The following HTT variants were observed in gnomAD, a reference collection of about 807,000 sequenced individuals.
The protein encoded by HTT is huntingtin.
In HTT, 104 loss-of-function variants were observed where a neutral mutation model predicts 362.3. The observed-to-expected ratio is 0.29, with a 90% CI of 0.24 to 0.34. HTT has a LOEUF of 0.34. Among genes scored for constraint, HTT ranks in the 10% least tolerant of loss-of-function variants. The pLI, the probability that HTT is intolerant of heterozygous loss-of-function variation, is 1.00. For missense variants in HTT, 3,301 were observed against 3,928.6 expected (o/e 0.84, Z 4.27); for synonymous variants, 1,577 against 1,548.7 (o/e 1.02, Z -0.43).
chr4:3,074,771 C>G lies in HTT; in HGVS notation c.-55C>G. ...CATTCATTGCCCCGGTGCTGAGCGG[C>G]GCCGCGAGTCGGCCCGAGGCCTCCG... On this transcript the variant is annotated 5_prime_UTR_variant, in exon 1 of 67. Coordinates refer to ENST00000355072, the MANE Select transcript of HTT (RefSeq NM_001388492.1). 6.7e-7 allele frequency: 1 copy of G among 1,494,382 alleles called. No individual in the cohort carries two copies. The highest frequency in any genetic ancestry group is 1.4e-5 in the African/African-American group (1 of 69,336). 92.6% of individuals were successfully genotyped at this position (1,494,382 alleles called of 1,614,324 possible).
intron 2 of HTT, among the ~76,000 whole-genome samples, chr4:3,093,875 T>C (rs1713652589): frequency 6.7e-6 from 1 of 149,700 alleles, no homozygotes; most frequent in Non-Finnish European, 1.5e-5. Flanking sequence ...TTTTTTTTTT[T>C]TTTAAGATAT....
chr4:3,205,568 C>T (rs899083706), intron 42 of HTT, among the ~76,000 whole-genome samples: 1 of 152,138 alleles, frequency 6.6e-6, no homozygotes, highest in African/African-American at 2.4e-5. Context: ...AAAGTTTGAT[C>T]ATCCCAAATC....
intron 1 of HTT, among the ~76,000 whole-genome samples, chr4:3,079,035 G>A (rs1578479575): frequency 6.6e-6 from 1 of 151,982 alleles, no homozygotes; most frequent in Non-Finnish European, 1.5e-5. Context: ...ACAGGCATGA[G>A]CCACTGTGCC....
chr4:3,090,476 T>C (rs1344340649), intron 2 of HTT, among the ~76,000 whole-genome samples: 1 of 152,214 alleles, frequency 6.6e-6, no homozygotes, highest in Non-Finnish European at 1.5e-5. Flanking sequence ...TGTACCTTGA[T>C]AAGGTGGCTA....
In HTT at chr4:3,189,040, A is replaced by G. The variant is rs755233398; in HGVS notation, c.5315A>G (p.Tyr1772Cys). 14 of 1,613,864 alleles carry G rather than the reference A, an allele frequency of 8.7e-6. No individual in the cohort carries two copies. Among genetic ancestry groups the G allele is most frequent in the South Asian group, 2.2e-5 (2 of 91,084 alleles). ...VEMSEQQHTF[Y>C]CQELGTLLMC... is the part of the protein sequence containing the mutation. ...ATGAGTGAGCAGCAACATACTTTCT[A>G]TTGCCAGGAACTAGGCACACTGCTA... Residue 1772 changes from tyrosine to cysteine, a missense_variant, in exon 40 of 67, where the codon TAT (tyrosine) becomes TGT (cysteine). Physicochemically the swap from Tyr to Cys is radical, Grantham distance 194 (BLOSUM62 -2). Coordinates refer to ENST00000355072, the MANE Select transcript of HTT (RefSeq NM_001388492.1).
intron 2 of HTT, among the ~76,000 whole-genome samples, chr4:3,095,255 G>T (rs1362909698): frequency 2.0e-5 from 3 of 152,236 alleles, no homozygotes. Flanking sequence ...CTGAGTGAGC[G>T]AGACTCCGTC....
intron 47 of HTT, among the ~76,000 whole-genome samples, chr4:3,210,472 A>G (rs541000655): frequency 6.6e-6 from 1 of 152,164 alleles, no homozygotes; most frequent in South Asian, 2.1e-4. Flanking sequence ...GATTTCCTCT[A>G]CTCACACCTC....
chr4:3,147,874 A>G, intron 25 of HTT, 131 bp from the exon 26 acceptor site: 1 of 646,824 alleles, frequency 1.5e-6, no homozygotes, highest in South Asian at 2.5e-5. Context: ...AGTTTGGCTT[A>G]TCAGTTGAAT....
intron 6 of HTT, among the ~76,000 whole-genome samples, chr4:3,112,546 G>A (rs1480810457): frequency 2.6e-5 from 4 of 152,142 alleles, no homozygotes; most frequent in Non-Finnish European, 4.4e-5. Context: ...TATTTTGGTC[G>A]ACATTAAGTT....
chr4:3,201,809 T>A (rs1029062767), intron 41 of HTT, among the ~76,000 whole-genome samples: 1 of 152,204 alleles, frequency 6.6e-6, no homozygotes, highest in African/African-American at 2.4e-5. Flanking sequence ...TATCTTTTTA[T>A]TTCCATGAGA....
Position 3,242,027 on chromosome 4 carries a change from G to A in HTT, c.*1968G>A, listed in dbSNP as rs1189968450. ...CCGCTAGAAGGTTTGGGAACGAGGGGAAAGTTCTCAGAACTGTTGGCTGCT... is the reference window on the plus strand; with the variant it reads ...CCGCTAGAAGGTTTGGGAACGAGGGAAAAGTTCTCAGAACTGTTGGCTGCT... On this transcript the variant is annotated 3_prime_UTR_variant, in exon 67 of 67. Transcript: ENST00000355072. 6.7e-6 allele frequency: 1 copy of A among 148,198 alleles called. No individual in the cohort carries two copies. The highest frequency in any genetic ancestry group is 1.5e-5 in the Non-Finnish European group (1 of 67,854). 9.2% of individuals were successfully genotyped at this position (148,198 alleles called of 1,614,324 possible).
At position 3,233,249 on chromosome 4, in the gene HTT, C is replaced by T. The variant is rs751199242; in HGVS notation, c.8352C>T (p.His2784=). 2.9e-5 allele frequency: 47 copies of T among 1,611,026 alleles called. No individual in the cohort carries two copies. Among genetic ancestry groups the T allele is most frequent in the East Asian group, 6.7e-5 (3 of 44,818 alleles). The part of the protein sequence containing the change: ...SHLPSRVGAL[H]GVLYVLECDL... ...TGCCCAGCAGGGTTGGAGCCCTGCA[C>T]GGCGTCCTCTATGTGCTGGAGTGCG... The change falls in exon 61 of 67, where the codon CAC becomes CAT. Residue 2784 remains histidine, a synonymous_variant. Transcript: ENST00000355072.
chr4:3,116,246 G>T lies in HTT; in HGVS notation c.1051G>T (p.Ala351Ser). ...GAAAGAAATGGAAGTCTCTCCTTCT[G>T]CAGAGCAGCTTGTCCAGGTAGGAGC... is the stretch of plus-strand genomic sequence containing the variant. Reference protein sequence around the residue: ...TRKEMEVSPSAEQLVQVYELT... With the variant: ...TRKEMEVSPSSEQLVQVYELT... The change falls in exon 8 of 67, where the codon GCA (alanine) becomes TCA (serine). Residue 351 changes from alanine to serine, a missense_variant. By Grantham distance (99) the Ala-to-Ser change is moderately conservative. Around this residue, in one of 4 missense-constraint regions of HTT, gnomAD observed 2,316 missense variants for 2,658.5 expected, o/e 0.87. Transcript: ENST00000355072. The T allele has an allele frequency of 1.9e-6, 3 of 1,611,292 alleles. No individual in the cohort carries two copies. The highest frequency in any genetic ancestry group is 2.5e-6 in the Non-Finnish European group (3 of 1,177,562).
Position 3,127,009 on chromosome 4 carries a change from C to T in HTT, c.1403-255C>T, listed in dbSNP as rs562070648. Reference sequence around the variant, plus strand: ...AGTAGTCGGTTAAGAACTTGAACTTCGGTTTTTGCAGTGAAACAGCATTTG... The same window carrying T: ...AGTAGTCGGTTAAGAACTTGAACTTTGGTTTTTGCAGTGAAACAGCATTTG... On this transcript the variant is annotated intron_variant, in intron 11 of 66. Coordinates refer to ENST00000355072, the MANE Select transcript of HTT (RefSeq NM_001388492.1). 1.3e-4 allele frequency among the ~76,000 whole-genome samples: 20 copies of T among 152,260 alleles called. No individual in the cohort carries two copies. In the South Asian group the frequency reaches 1.9e-3, roughly 14 times the overall value.
intron 61 of HTT, 62 bp from the exon 62 acceptor site, chr4:3,235,222 T>C (rs1214366640): frequency 8.6e-7 from 1 of 1,166,594 alleles, no homozygotes; most frequent in Non-Finnish European, 1.3e-6. Flanking sequence ...CCGGACATGC[T>C]GTGAAGCCCT....
intron 40 of HTT, among the ~76,000 whole-genome samples, chr4:3,193,854 G>C (rs2110255506): frequency 6.6e-6 from 1 of 152,306 alleles, no homozygotes; most frequent in East Asian, 1.9e-4. Context: ...TGGGAGTGGA[G>C]GGCTTGGAGA....
chr4:3,131,897 TG>T, intron 16 of HTT, 122 bp downstream of exon 16: 1 of 895,262 alleles, frequency 1.1e-6, no homozygotes, highest in Non-Finnish European at 1.7e-6. Flanking sequence ...ATATTTGACC[TG>T]CGTTGTAGCT....
At position 3,136,344 on chromosome 4, in the gene HTT, A is replaced by G. The variant is rs1247836650; in HGVS notation, c.2798+18A>G. On this transcript the variant is annotated intron_variant, in intron 21 of 66. Transcript: ENST00000355072. ...CTAATTAGGTATTTACCAATATTTT[A>G]TCTCTTTTCCTTTTTTGGTTGAAGT... 2 of 1,408,482 alleles carry G rather than the reference A, an allele frequency of 1.4e-6. No homozygotes were observed. The highest frequency in any genetic ancestry group is 1.0e-6 in the Non-Finnish European group (1 of 1,000,468). The allele number at this position is 1,408,482 out of a possible 1,614,324, so 87.2% of individuals were successfully genotyped here.
chr4:3,119,236 A>T (rs968268115), intron 8 of HTT, among the ~76,000 whole-genome samples: 7 of 152,210 alleles, frequency 4.6e-5, no homozygotes, highest in African/African-American at 1.7e-4. Flanking sequence ...GAGGGAAGGC[A>T]TATGCATATA....
Sources: gnomAD v4.1 joint callset for allele counts (sites outside exome capture counted in the v4.1 genomes callset) on GRCh38, gnomAD v4.1.1 for gene constraint, gnomAD v4.1.1 regional missense constraint, MANE v1.5 for transcripts, NCBI Gene and HGNC (gene_info 2026-07-23, HGNC 2026-07-21) for gene names.